C8orf34: variants seen among roughly 807,000 people sequenced by gnomAD.
C8orf34 encodes uncharacterized protein C8orf34.
Under a neutral mutation model 68.3 loss-of-function variants are expected in C8orf34, and 65 were observed. That is an observed-to-expected ratio of 0.95 (90% CI 0.78 to 1.17). C8orf34 has a LOEUF of 1.17. Among genes scored for constraint, C8orf34 ranks in the 50% most tolerant of loss-of-function variants. C8orf34 has a pLI of 0.00. For synonymous variants in C8orf34, 244 were observed against 241.2 expected (o/e 1.01, Z -0.11); for missense variants, 664 against 655.4 (o/e 1.01, Z -0.14).
chr8:68,794,482 A>ATATATATAT (rs1824110275), intron 12 of C8orf34, among the ~76,000 whole-genome samples: 1 of 89,392 alleles, frequency 1.1e-5, no homozygotes. Context: ...TATAAATATA[A>ATATATATAT]ATATATATAT....
intron 7 of C8orf34, among the ~76,000 whole-genome samples, chr8:68,538,091 A>C (rs1377722976): frequency 6.6e-6 from 1 of 152,224 alleles, no homozygotes; most frequent in Non-Finnish European, 1.5e-5. Flanking sequence ...TTTATAAGAC[A>C]CAGCCATTTC....
chr8:68,705,915 C>T (rs1482395662), intron 8 of C8orf34, among the ~76,000 whole-genome samples: 1 of 152,016 alleles, frequency 6.6e-6, no homozygotes, highest in Non-Finnish European at 1.5e-5. Flanking sequence ...GGAGACAGGG[C>T]CTCTTGCGCT....
rs534827093 is a variant in C8orf34, at chr8:68,612,127, G to GGTCATCTC, written c.1106-28246_1106-28239dup. Among the ~76,000 whole-genome samples the GGTCATCTC allele has an allele frequency of 4.9e-3, 738 of 152,072 alleles. 1 individual carries two copies. The highest frequency in any genetic ancestry group is 8.3e-3 in the Non-Finnish European group (566 of 67,978). ...TCCCATAGCTTTAGGGAGGTAGGAC[G>GGTCATCTC]GTCATCTCGTATCATTATCTGCAAC... On this transcript the variant is annotated intron_variant, in intron 7 of 13. Transcript: ENST00000518698.
chr8:68,647,000 G>C (rs1299372959), intron 8 of C8orf34, among the ~76,000 whole-genome samples: 2 of 152,094 alleles, frequency 1.3e-5, no homozygotes, highest in Admixed American at 6.6e-5. Flanking sequence ...ACACTGAATA[G>C]AGCCAACCCA....
chr8:68,727,367 C>T (rs1821861828), intron 10 of C8orf34, among the ~76,000 whole-genome samples: 1 of 152,162 alleles, frequency 6.6e-6, no homozygotes, highest in African/African-American at 2.4e-5. Context: ...GCAGGGCACA[C>T]CCTCTCTCCT....
intron 3 of C8orf34, among the ~76,000 whole-genome samples, chr8:68,452,899 T>G (rs892852905): frequency 2.0e-5 from 3 of 151,818 alleles, no homozygotes; most frequent in Non-Finnish European, 4.4e-5. Flanking sequence ...TAGTTTATGC[T>G]CTTACATGTG....
At chr8:68,464,166 A>G (rs1282890853) in intron 3 of C8orf34, among the ~76,000 whole-genome samples, 2 of 152,236 alleles carry the variant, frequency 1.3e-5, no homozygotes, top group African/African-American at 4.8e-5. Flanking sequence ...ACCGAGAGCC[A>G]AATCATGAGT....
At chr8:68,665,947 C>T (rs1263274176) in intron 8 of C8orf34, among the ~76,000 whole-genome samples, 1 of 152,212 alleles carries the variant, frequency 6.6e-6, no homozygotes, top group Non-Finnish European at 1.5e-5. Flanking sequence ...GCCCAAAACA[C>T]ATATAATTAC....
chr8:68,644,020 C>A (rs780543819), intron 8 of C8orf34, among the ~76,000 whole-genome samples: 3 of 152,184 alleles, frequency 2.0e-5, no homozygotes, highest in Middle Eastern at 3.4e-3. Flanking sequence ...GCGTTTGTAA[C>A]CTCTGAATTG....
chr8:68,733,846 C>G (rs965553699), intron 10 of C8orf34, among the ~76,000 whole-genome samples: 1 of 152,210 alleles, frequency 6.6e-6, no homozygotes, highest in South Asian at 2.1e-4. Context: ...ATAACACAAA[C>G]TGCTTGGGAA....
intron 4 of C8orf34, among the ~76,000 whole-genome samples, chr8:68,480,507 T>C (rs1586227745): frequency 1.3e-5 from 2 of 151,946 alleles, no homozygotes; most frequent in African/African-American, 4.8e-5. Flanking sequence ...CACGTAGAGG[T>C]TGGAACAATT....
chr8:68,697,099 T>A (rs188006950), intron 8 of C8orf34, among the ~76,000 whole-genome samples: 14 of 152,222 alleles, frequency 9.2e-5, no homozygotes, highest in Admixed American at 7.9e-4. Context: ...TAGATTTTTG[T>A]CCCACACTGC....
intron 1 of C8orf34, among the ~76,000 whole-genome samples, chr8:68,393,713 C>T (rs981750970): frequency 6.6e-6 from 1 of 152,066 alleles, no homozygotes; most frequent in Non-Finnish European, 1.5e-5. Context: ...CATGCAGGTC[C>T]ATATAATCAT....
intron 10 of C8orf34, among the ~76,000 whole-genome samples, chr8:68,749,703 T>A (rs1188369748): frequency 6.6e-6 from 1 of 152,188 alleles, no homozygotes; most frequent in Non-Finnish European, 1.5e-5. Flanking sequence ...ACTGTATATG[T>A]TATTTTAGGT....
intron 7 of C8orf34, among the ~76,000 whole-genome samples, chr8:68,606,411 T>G (rs1817855011): frequency 6.6e-6 from 1 of 152,058 alleles, no homozygotes; most frequent in Non-Finnish European, 1.5e-5. Flanking sequence ...AAATCATAAA[T>G]GAACAAAATA....
chr8:68,731,827 G>T (rs17389337), intron 10 of C8orf34, among the ~76,000 whole-genome samples: 26,365 of 152,146 alleles, frequency 0.17, 2,482 homozygotes, highest in Middle Eastern at 0.3. Flanking sequence ...ACATAGAGTT[G>T]CCATACGTGA....
chr8:68,662,600 C>T (rs1819714950), intron 8 of C8orf34, among the ~76,000 whole-genome samples: 1 of 152,196 alleles, frequency 6.6e-6, no homozygotes, highest in African/African-American at 2.4e-5. Flanking sequence ...TTACCTTCAA[C>T]CATGATTGTG....
intron 7 of C8orf34, among the ~76,000 whole-genome samples, chr8:68,554,323 T>C (rs7824810): frequency 0.013 from 2,019 of 152,272 alleles, 48 homozygotes; most frequent in African/African-American, 0.045. Flanking sequence ...TGAGAAATTT[T>C]GCTTTGAATT....
chr8:68,739,169 T>C (rs1455961368), intron 10 of C8orf34, among the ~76,000 whole-genome samples: 1 of 152,060 alleles, frequency 6.6e-6, no homozygotes, highest in Non-Finnish European at 1.5e-5. Context: ...GTTCATCACA[T>C]AAACAGAACT....
Sources: gnomAD v4.1 joint callset for allele counts (sites outside exome capture counted in the v4.1 genomes callset) on GRCh38, gnomAD v4.1.1 for gene constraint, MANE v1.5 for transcripts, NCBI Gene and HGNC (gene_info 2026-07-23, HGNC 2026-07-21) for gene names.